Variants in GULP1 observed in about 807,000 individuals in gnomAD.
GULP1 encodes PTB domain-containing engulfment adapter protein 1.
Under a neutral mutation model 40.9 loss-of-function variants are expected in GULP1, and 19 were observed. That is an observed-to-expected ratio of 0.46 (90% CI 0.32 to 0.68). The LOEUF (loss-of-function observed/expected upper bound fraction) is 0.68, where lower values mean the gene tolerates loss of function less well. Among genes scored for constraint, GULP1 ranks in the 30% least tolerant of loss-of-function variants. The probability of loss-of-function intolerance (pLI) is 0.03; values close to 1 mark genes in which losing one functional copy is unlikely to be tolerated. For missense variants in GULP1, 312 were observed against 362.2 expected (o/e 0.86, Z 1.12); for synonymous variants, 119 against 117.6 (o/e 1.01, Z -0.08).
intron 9 of GULP1, among the ~76,000 whole-genome samples, chr2:188,574,079 T>C (rs1699688864): frequency 6.6e-6 from 1 of 152,178 alleles, no homozygotes; most frequent in African/African-American, 2.4e-5. Context: ...GATATGCTGG[T>C]CTAACACAAT....
chr2:188,366,687 A>G (rs1337670225), intron 1 of GULP1, among the ~76,000 whole-genome samples: 1 of 140,276 alleles, frequency 7.1e-6, no homozygotes, highest in Non-Finnish European at 1.5e-5. Flanking sequence ...TCCGCCTCCC[A>G]GGTTCATGCC....
chr2:188,368,379 G>A (rs1003607714), intron 1 of GULP1, among the ~76,000 whole-genome samples: 11 of 151,970 alleles, frequency 7.2e-5, no homozygotes, highest in African/African-American at 2.2e-4. Context: ...TCGGGAGTTC[G>A]AGACCAGCCT....
chr2:188,329,818 G>C (rs2041309207), intron 1 of GULP1, among the ~76,000 whole-genome samples: 1 of 152,242 alleles, frequency 6.6e-6, no homozygotes, highest in South Asian at 2.1e-4. Context: ...TGGCAAGATG[G>C]GGACAGGATT....
At chr2:188,569,555 C>G in intron 8 of GULP1, 200 bp downstream of exon 8, 1 of 508,546 alleles carries the variant, frequency 2.0e-6, no homozygotes, top group Admixed American at 3.5e-5. Flanking sequence ...ATATTGAATT[C>G]CCACAAGAAC....
At chr2:188,516,094 A>C (rs894651735) in intron 4 of GULP1, among the ~76,000 whole-genome samples, 13 of 151,984 alleles carry the variant, frequency 8.6e-5, no homozygotes, top group Non-Finnish European at 1.8e-4. Flanking sequence ...TTTATTCGTC[A>C]TATCTGTAGT....
In GULP1 at chr2:188,373,193, A is replaced by G. The variant is rs186147947; in HGVS notation, c.-171-10570A>G. ...TCTAACAGAGGAAACATGGAGAAGA[A>G]CATTCTAGAGAGGAATCAAGTACCT... On this transcript the variant is annotated intron_variant, in intron 1 of 11. Transcript: ENST00000409830. Among the ~76,000 whole-genome samples, 39 of 152,014 alleles carry G rather than the reference A, an allele frequency of 2.6e-4. 1 individual carries two copies. In the South Asian group the frequency reaches 5.6e-3, roughly 22 times the overall value.
At chr2:188,362,439 C>T (rs1440221845) in intron 1 of GULP1, among the ~76,000 whole-genome samples, 1 of 151,986 alleles carries the variant, frequency 6.6e-6, no homozygotes, top group Admixed American at 6.6e-5. Context: ...TTTATTTCTG[C>T]ACGTGATATT....
At chr2:188,445,696 G>T (rs1317152405) in intron 2 of GULP1, among the ~76,000 whole-genome samples, 4 of 152,152 alleles carry the variant, frequency 2.6e-5, no homozygotes, top group Non-Finnish European at 5.9e-5. Flanking sequence ...GGAAGTCAGA[G>T]ATTTTTGGGA....
At position 188,530,672 on chromosome 2, in the gene GULP1, C is replaced by G. The variant is rs545541795; in HGVS notation, c.261+1477C>G. Among the ~76,000 whole-genome samples, 7 of 152,274 alleles carry G rather than the reference C, an allele frequency of 4.6e-5. No homozygotes were observed. The East Asian group carries it at 7.7e-4, about 17-fold the overall frequency. On this transcript the variant is annotated intron_variant, in intron 6 of 11. Coordinates refer to ENST00000409830, the MANE Select transcript of GULP1 (RefSeq NM_016315.4). ...GAGAGAGGCCCCAGAGAAACCAAAC[C>G]TACCGACACCTTGATCTTAGACTTC...
At chr2:188,512,989 A>G (rs1028965912) in intron 4 of GULP1, among the ~76,000 whole-genome samples, 1 of 152,144 alleles carries the variant, frequency 6.6e-6, no homozygotes, top group Non-Finnish European at 1.5e-5. Context: ...TAACATTTCT[A>G]TAGATTTAAT....
chr2:188,311,646 A>G (rs2038126687), intron 1 of GULP1, among the ~76,000 whole-genome samples: 1 of 151,360 alleles, frequency 6.6e-6, no homozygotes, highest in South Asian at 2.1e-4. Context: ...TTTCTCAGTT[A>G]CTGAAATTTA....
chr2:188,446,305 G>C (rs2058377371), intron 2 of GULP1, among the ~76,000 whole-genome samples: 1 of 152,106 alleles, frequency 6.6e-6, no homozygotes, highest in African/African-American at 2.4e-5. Context: ...TAGTGTCCTG[G>C]ATAATAGCTA....
At chr2:188,327,373 A>G (rs1286236440) in intron 1 of GULP1, among the ~76,000 whole-genome samples, 1 of 152,122 alleles carries the variant, frequency 6.6e-6, no homozygotes, top group Non-Finnish European at 1.5e-5. Flanking sequence ...TAAATTGGGA[A>G]TTATTTCTTT....
At chr2:188,300,579 CAT>C (rs2035963211) in intron 1 of GULP1, among the ~76,000 whole-genome samples, 1 of 152,140 alleles carries the variant, frequency 6.6e-6, no homozygotes, top group East Asian at 1.9e-4. Flanking sequence ...ATAATTAAAA[CAT>C]ATATAACATA....
intron 2 of GULP1, among the ~76,000 whole-genome samples, chr2:188,434,641 A>G (rs971641010): frequency 4.7e-5 from 7 of 149,330 alleles, no homozygotes; most frequent in Non-Finnish European, 8.9e-5. Context: ...AGTGCTACCC[A>G]TTTTGTTGCA....
chr2:188,408,503 G>A (rs1180176326), intron 2 of GULP1, among the ~76,000 whole-genome samples: 2 of 152,124 alleles, frequency 1.3e-5, no homozygotes, highest in Non-Finnish European at 1.5e-5. Context: ...AAACAGTGGA[G>A]CACTTAAATA....
intron 2 of GULP1, among the ~76,000 whole-genome samples, chr2:188,461,167 C>A (rs2059673948): frequency 6.6e-6 from 1 of 152,010 alleles, no homozygotes; most frequent in Admixed American, 6.6e-5. Flanking sequence ...ATAATCCTGG[C>A]CTCATAAAAT....
intron 4 of GULP1, among the ~76,000 whole-genome samples, chr2:188,509,684 G>A (rs2064305289): frequency 6.6e-6 from 1 of 152,026 alleles, no homozygotes; most frequent in South Asian, 2.1e-4. Flanking sequence ...TCTTAAAAAT[G>A]GCTTAAGAGT....
At chr2:188,544,246 T>C (rs1001704370) in intron 7 of GULP1, among the ~76,000 whole-genome samples, 1 of 152,044 alleles carries the variant, frequency 6.6e-6, no homozygotes, top group African/African-American at 2.4e-5. Context: ...TGACAGTCAG[T>C]AGTTACCAAC....
Sources: allele counts gnomAD v4.1 joint callset (sites outside exome capture counted in the v4.1 genomes callset), GRCh38; gene constraint gnomAD v4.1.1; transcripts MANE v1.5; gene names NCBI Gene and HGNC (gene_info 2026-07-23, HGNC 2026-07-21).